The following PRTFDC1 variants were observed in gnomAD, a reference collection of about 807,000 sequenced individuals.
The protein encoded by PRTFDC1 is phosphoribosyltransferase domain-containing protein 1.
In PRTFDC1, 38 loss-of-function variants were observed where a neutral mutation model predicts 34.6. That is an observed-to-expected ratio of 1.10 (90% CI 0.85 to 1.44). The LOEUF is 1.44. Among genes scored for constraint, PRTFDC1 ranks in the 40% most tolerant of loss-of-function variants. PRTFDC1 has a pLI of 0.00. For missense variants in PRTFDC1, 270 were observed against 283.0 expected, an observed-to-expected ratio of 0.95 and a Z score of 0.33; for synonymous variants, 93 against 98.1, an observed-to-expected ratio of 0.95 and a Z score of 0.31.
chr10:24,951,528 GT>G lies in PRTFDC1; in HGVS notation c.48+999del, dbSNP rs1849344639. ...TGACCCTTCTGTCTGAATGTGACAC[GT>G]TTCCCTCCCCAGCCCACTTACTTTA... On this transcript the variant is annotated intron_variant, in intron 1 of 8. Transcript: ENST00000320152. The G allele has an allele frequency of 6.1e-6, 6 of 981,970 alleles. No homozygotes were observed. In the South Asian group the frequency reaches 2.8e-4, roughly 46 times the overall value. The allele number at this position is 981,970 out of a possible 1,614,324, so 60.8% of individuals were successfully genotyped here. A position where few individuals can be genotyped will look rare whatever the true frequency, so the allele number is the denominator to read the frequency against.
chr10:24,893,892 T>C (rs1304980826), intron 3 of PRTFDC1, among the ~76,000 whole-genome samples: 2 of 152,160 alleles, frequency 1.3e-5, no homozygotes, highest in African/African-American at 4.8e-5. Flanking sequence ...AACTTGGCAA[T>C]GCTGGCGGTA....
chr10:24,952,455 A>G lies in PRTFDC1; in HGVS notation c.48+73T>C. 6.7e-7 allele frequency: 1 copy of G among 1,489,464 alleles called. No homozygotes were observed. Among genetic ancestry groups the G allele is most frequent in the Non-Finnish European group, 9.2e-7 (1 of 1,091,644 alleles). 92.3% of individuals were successfully genotyped at this position (1,489,464 alleles called of 1,614,324 possible). ...CTCTCTCCCCCGACGCACGGCAAGC[A>G]TTTAATCTACAAGCAGGGTGCCAGG... On this transcript the variant is annotated intron_variant, in intron 1 of 8. Coordinates refer to ENST00000320152, the MANE Select transcript of PRTFDC1 (RefSeq NM_020200.7). This position sits in a 1 kb window ranked among gnomAD's most constrained non-coding sequence, Gnocchi z 5.1.
At position 24,870,351 on chromosome 10, in the gene PRTFDC1, GC is replaced by G. The variant is rs199969304; in HGVS notation, c.405+1646del. Among the ~76,000 whole-genome samples the G allele has an allele frequency of 5.3e-5, 8 of 152,184 alleles. No individual in the cohort carries two copies. The East Asian group carries it at 1.2e-3, about 22-fold the overall frequency. On this transcript the variant is annotated intron_variant, in intron 4 of 8. Transcript: ENST00000320152. ...TCCAACTTCCGACCTCAAATGATCTGCCCATCTCGGCCTCTGAAAGTGCTGG... is the reference window on the plus strand; with the variant it reads ...TCCAACTTCCGACCTCAAATGATCTGCCATCTCGGCCTCTGAAAGTGCTGG...
At chr10:24,862,415 C>T (rs1472362590) in intron 4 of PRTFDC1, among the ~76,000 whole-genome samples, 1 of 152,070 alleles carries the variant, frequency 6.6e-6, no homozygotes, top group East Asian at 1.9e-4. Flanking sequence ...CACTCTATTG[C>T]CCAGGCTGGA....
chr10:24,866,666 A>G (rs1847783718), intron 4 of PRTFDC1, among the ~76,000 whole-genome samples: 1 of 152,180 alleles, frequency 6.6e-6, no homozygotes, highest in Non-Finnish European at 1.5e-5. Flanking sequence ...TTTTAACATC[A>G]TGAACTGAAG....
At chr10:24,921,112 CA>C (rs1316395559) in intron 3 of PRTFDC1, among the ~76,000 whole-genome samples, 1 of 151,562 alleles carries the variant, frequency 6.6e-6, no homozygotes, top group Non-Finnish European at 1.5e-5. Flanking sequence ...AACAAAAAAA[CA>C]AAAAACAAAG....
At chr10:24,880,728 C>A (rs1374744300) in intron 3 of PRTFDC1, among the ~76,000 whole-genome samples, 1 of 152,176 alleles carries the variant, frequency 6.6e-6, no homozygotes, top group Admixed American at 6.5e-5. Flanking sequence ...TCTCAGTGAA[C>A]CCCCAGTTCC....
chr10:24,876,087 A>T (rs569366612), intron 3 of PRTFDC1, among the ~76,000 whole-genome samples: 2 of 152,194 alleles, frequency 1.3e-5, no homozygotes, highest in South Asian at 4.2e-4. Context: ...CTTTTTAAAA[A>T]TTGCCTTGAG....
At chr10:24,860,538 T>A (rs1847662892) in intron 4 of PRTFDC1, among the ~76,000 whole-genome samples, 1 of 152,228 alleles carries the variant, frequency 6.6e-6, no homozygotes, top group Non-Finnish European at 1.5e-5. Flanking sequence ...CACATTCTTA[T>A]GTTAAAATAA....
chr10:24,923,354 T>C (rs566643203), intron 3 of PRTFDC1, among the ~76,000 whole-genome samples: 20 of 152,182 alleles, frequency 1.3e-4, no homozygotes, highest in African/African-American at 4.6e-4. Flanking sequence ...CTCAATTGGG[T>C]CCCTGACCCC....
At chr10:24,941,932 T>C (rs1178194462) in intron 2 of PRTFDC1, among the ~76,000 whole-genome samples, 3 of 152,210 alleles carry the variant, frequency 2.0e-5, no homozygotes, top group Non-Finnish European at 4.4e-5. Context: ...AATATGCTAA[T>C]GTTTGTTTTG....
intron 4 of PRTFDC1, among the ~76,000 whole-genome samples, chr10:24,860,723 C>CA (rs1461292832): frequency 1.3e-5 from 2 of 152,112 alleles, no homozygotes; most frequent in Admixed American, 6.5e-5. Context: ...CCTTCTCTAA[C>CA]AAAAAATACA....
At chr10:24,864,709 C>G (rs1470712776) in intron 4 of PRTFDC1, among the ~76,000 whole-genome samples, 1 of 152,166 alleles carries the variant, frequency 6.6e-6, no homozygotes, top group Non-Finnish European at 1.5e-5. Flanking sequence ...TTGTGTGGCT[C>G]TCTTTATCGT....
chr10:24,921,093 TA>T (rs59824439), intron 3 of PRTFDC1, among the ~76,000 whole-genome samples: 26,411 of 147,898 alleles, frequency 0.18, 3,263 homozygotes, highest in African/African-American at 0.35. Flanking sequence ...TACAAGTGAT[TA>T]AAAAAAAAAC....
chr10:24,942,519 AG>A, intron 1 of PRTFDC1, 83 bp from the exon 2 acceptor site: 1 of 1,120,084 alleles, frequency 8.9e-7, no homozygotes, highest in Non-Finnish European at 1.4e-6. Flanking sequence ...ACTTGAGAGG[AG>A]AATTCCCTCA....
rs775181647 is a variant in PRTFDC1 at position 24,942,456 on chromosome 10, G to A, written c.49-20C>T. 1 of 1,581,558 alleles carries A rather than the reference G, an allele frequency of 6.3e-7. No homozygotes were observed. Among genetic ancestry groups the A allele is most frequent in the Non-Finnish European group, 8.7e-7 (1 of 1,150,476 alleles). ...CATAATCTGCAAATCAAATTATTTTGGTTATGGTATTTTTTCATCAGAAAT... is the reference window on the plus strand; with the variant it reads ...CATAATCTGCAAATCAAATTATTTTAGTTATGGTATTTTTTCATCAGAAAT... On this transcript the variant is annotated intron_variant, in intron 1 of 8. Transcript: ENST00000320152.
intron 8 of PRTFDC1, among the ~76,000 whole-genome samples, chr10:24,850,894 T>C (rs567757766): frequency 6.6e-6 from 1 of 152,262 alleles, no homozygotes; most frequent in East Asian, 1.9e-4. Flanking sequence ...TATGGGTAAG[T>C]TGTCTACCTC....
chr10:24,904,117 C>A (rs1237983269), intron 3 of PRTFDC1, among the ~76,000 whole-genome samples: 1 of 152,094 alleles, frequency 6.6e-6, no homozygotes, highest in Non-Finnish European at 1.5e-5. Context: ...TTTGGGCTAA[C>A]TAAACTGTAA....
chr10:24,861,504 C>CA (rs71399938), intron 4 of PRTFDC1, among the ~76,000 whole-genome samples: 17,957 of 151,570 alleles, frequency 0.12, 1,340 homozygotes, highest in South Asian at 0.21. Flanking sequence ...TATCTCAAAA[C>CA]AAAAAACAAA....
Sources: allele counts gnomAD v4.1 joint callset (sites outside exome capture counted in the v4.1 genomes callset), GRCh38; gene constraint gnomAD v4.1.1; non-coding constraint Gnocchi (gnomAD v3.1); transcripts MANE v1.5; gene names NCBI Gene and HGNC (gene_info 2026-07-23, HGNC 2026-07-21).